ROBO1: variants seen among roughly 807,000 people sequenced by gnomAD.
ROBO1 encodes the protein roundabout homolog 1.
ROBO1 carries 149 observed loss-of-function variants against 195.9 expected under a neutral mutation model. The observed-to-expected ratio is 0.76, with a 90% CI of 0.67 to 0.87. The LOEUF is 0.87. Ranked by LOEUF, ROBO1 falls within the 40% of genes least tolerant of loss-of-function variation. The pLI is 0.00. For missense variants in ROBO1, 1,933 were observed against 2,068.3 expected (o/e 0.93, Z 1.27); for synonymous variants, 816 against 733.2 (o/e 1.11, Z -1.82).
At chr3:79,008,012 C>G (rs2077666824) in intron 3 of ROBO1, among the ~76,000 whole-genome samples, 1 of 152,120 alleles carries the variant, frequency 6.6e-6, no homozygotes, top group Non-Finnish European at 1.5e-5. Flanking sequence ...TTCAGATCAC[C>G]ACTCCTAAAC....
At chr3:79,408,186 C>A (rs2037625581) in intron 2 of ROBO1, among the ~76,000 whole-genome samples, 1 of 151,250 alleles carries the variant, frequency 6.6e-6, no homozygotes, top group Non-Finnish European at 1.5e-5. Context: ...CCATTGCACT[C>A]CAGTCTGGTC....
chr3:78,744,024 T>C (rs373376296), intron 5 of ROBO1, among the ~76,000 whole-genome samples: 1 of 152,148 alleles, frequency 6.6e-6, no homozygotes, highest in African/African-American at 2.4e-5. Context: ...AATTTCTGAC[T>C]CATGTATCCA....
chr3:78,704,496 T>C (rs547948557), intron 8 of ROBO1, among the ~76,000 whole-genome samples: 40 of 152,010 alleles, frequency 2.6e-4, no homozygotes, highest in Admixed American at 8.5e-4. Flanking sequence ...TATCCCCTAC[T>C]GGCAATAAAG....
chr3:79,493,039 G>A (rs1196517219), intron 2 of ROBO1, among the ~76,000 whole-genome samples: 1 of 151,816 alleles, frequency 6.6e-6, no homozygotes, highest in East Asian at 1.9e-4. Context: ...TAAATAATAA[G>A]AAGCAAAAAT....
chr3:79,479,174 T>C (rs1938699625), intron 2 of ROBO1, among the ~76,000 whole-genome samples: 1 of 152,212 alleles, frequency 6.6e-6, no homozygotes, highest in South Asian at 2.1e-4. Context: ...AAATAATCTA[T>C]GATCTAGAGC....
rs2081105167 is a variant in ROBO1, at chr3:78,688,729, A to T, written c.1089T>A (p.Ala363=). 1 of 1,609,584 alleles carries T rather than the reference A, an allele frequency of 6.2e-7. No individual in the cohort carries two copies. The highest frequency in any genetic ancestry group is 1.7e-5 in the Admixed American group (1 of 59,524). Reference sequence around the variant, plus strand: ...ACTGAAAAGTTACAGTCCGTCCCAAAGCAACAACCTGGTCACGGGGTTTCA... The same window carrying T: ...ACTGAAAAGTTACAGTCCGTCCCAATGCAACAACCTGGTCACGGGGTTTCA... ...FVVKPRDQVV[A]LGRTVTFQCE... Residue 363 remains alanine (A), a synonymous_variant, in exon 9 of 31, where the codon GCT becomes GCA. Transcript: ENST00000464233.
chr3:79,605,714 C>T (rs1379399026), intron 1 of ROBO1, among the ~76,000 whole-genome samples: 1 of 151,954 alleles, frequency 6.6e-6, no homozygotes, highest in East Asian at 1.9e-4. Flanking sequence ...CAAACTGTCA[C>T]TAAGTCCCAT....
At chr3:79,514,837 C>T (rs6548625) in intron 2 of ROBO1, among the ~76,000 whole-genome samples, 110,835 of 152,080 alleles carry the variant, frequency 0.73, 41,510 homozygotes, top group African/African-American at 0.92. Context: ...ACTCATTGAA[C>T]TTTTATGGAA....
At chr3:78,734,078 T>C (rs924910499) in intron 5 of ROBO1, among the ~76,000 whole-genome samples, 2 of 152,176 alleles carry the variant, frequency 1.3e-5, no homozygotes, top group East Asian at 1.9e-4. Context: ...CTCCAATTTC[T>C]GAGACACTTT....
intron 2 of ROBO1, among the ~76,000 whole-genome samples, chr3:79,310,930 G>T (rs867113973): frequency 6.6e-6 from 1 of 152,190 alleles, no homozygotes; most frequent in South Asian, 2.1e-4. Context: ...CAAAGTGTAT[G>T]ATGATATCCA....
At chr3:78,904,679 T>C (rs1398078185) in intron 4 of ROBO1, among the ~76,000 whole-genome samples, 1 of 151,026 alleles carries the variant, frequency 6.6e-6, no homozygotes, top group East Asian at 1.9e-4. Flanking sequence ...TGTATGTATA[T>C]GTATACGTAT....
chr3:79,660,281 A>T (rs762765013), intron 1 of ROBO1, among the ~76,000 whole-genome samples: 1 of 151,942 alleles, frequency 6.6e-6, no homozygotes, highest in Non-Finnish European at 1.5e-5. Flanking sequence ...AGTCACGACT[A>T]AAATGCCAGC....
chr3:79,304,256 A>C (rs1450629959), intron 2 of ROBO1, among the ~76,000 whole-genome samples: 1 of 152,194 alleles, frequency 6.6e-6, no homozygotes, highest in African/African-American at 2.4e-5. Context: ...GACTGAATTA[A>C]TTATGTAATA....
chr3:78,999,625 T>C lies in ROBO1; in HGVS notation c.173-60698A>G, dbSNP rs889803430. ...AAGTACCTGGCTGACTAGATCATTC[T>C]TACTCCAAACCTCTGCATCGTGCAA... On this transcript the variant is annotated intron_variant, in intron 3 of 30. Coordinates refer to ENST00000464233, the MANE Select transcript of ROBO1 (RefSeq NM_002941.4). Among the ~76,000 whole-genome samples the C allele has an allele frequency of 2.0e-5, 3 of 152,110 alleles. No individual in the cohort carries two copies. The East Asian group carries it at 5.8e-4, about 29-fold the overall frequency.
intron 2 of ROBO1, among the ~76,000 whole-genome samples, chr3:79,583,195 A>G (rs1296662972): frequency 6.6e-6 from 1 of 151,980 alleles, no homozygotes; most frequent in East Asian, 1.9e-4. Context: ...AAACTTAGTG[A>G]TTAAGTTTTT....
intron 21 of ROBO1, among the ~76,000 whole-genome samples, 153 bp from the exon 22 acceptor site, chr3:78,640,051 A>C (rs994294180): frequency 6.6e-6 from 1 of 152,218 alleles, no homozygotes; most frequent in African/African-American, 2.4e-5. Flanking sequence ...TTCTACACAC[A>C]GGCAACTGTA....
In ROBO1 at chr3:79,575,236, A is replaced by AT. The variant is rs1491247943; in HGVS notation, c.88+14587_88+14588insA. Among the ~76,000 whole-genome samples the AT allele has an allele frequency of 3.8e-3, 322 of 85,466 alleles. 2 individuals are homozygous for AT. The highest frequency in any genetic ancestry group is 0.014 in the African/African-American group (267 of 19,016). 56.1% of individuals were successfully genotyped at this position (85,466 alleles called of 152,430 possible). On this transcript the variant is annotated intron_variant, in intron 2 of 30. Coordinates refer to ENST00000464233, the MANE Select transcript of ROBO1 (RefSeq NM_002941.4). ...ATATATATATATAACAAATATATAT[A>AT]AATATATATAACAAATATATATAAA...
intron 2 of ROBO1, among the ~76,000 whole-genome samples, chr3:79,290,485 T>G (rs761294492): frequency 1.1e-4 from 16 of 152,176 alleles, no homozygotes; most frequent in Non-Finnish European, 1.9e-4. Flanking sequence ...TCTCTTACTA[T>G]GCAACCTAGT....
intron 24 of ROBO1, among the ~76,000 whole-genome samples, chr3:78,633,066 T>C (rs1705275377): frequency 6.6e-6 from 1 of 152,132 alleles, no homozygotes; most frequent in African/African-American, 2.4e-5. Context: ...AAGGGAAAAC[T>C]GTAAAATGCA....
Sources: allele counts gnomAD v4.1 joint callset (sites outside exome capture counted in the v4.1 genomes callset), GRCh38; gene constraint gnomAD v4.1.1; transcripts MANE v1.5; gene names NCBI Gene and HGNC (gene_info 2026-07-23, HGNC 2026-07-21).